Variants in TNFSF11 observed in about 807,000 individuals in gnomAD.
TNFSF11 encodes the protein tumor necrosis factor ligand superfamily member 11.
TNFSF11 carries 12 observed loss-of-function variants against 32.2 expected under a neutral mutation model. That is an observed-to-expected ratio of 0.37 (90% CI 0.24 to 0.60). TNFSF11 has a LOEUF of 0.60. Ranked by LOEUF, TNFSF11 falls within the 20% of genes least tolerant of loss-of-function variation. The probability of loss-of-function intolerance (pLI) is 0.66; values close to 1 mark genes in which losing one functional copy is unlikely to be tolerated. For missense variants in TNFSF11, 345 were observed against 398.0 expected, an observed-to-expected ratio of 0.87 and a Z score of 1.13; for synonymous variants, 172 against 152.1, an observed-to-expected ratio of 1.13 and a Z score of -0.96.
intron 2 of TNFSF11, among the ~76,000 whole-genome samples, chr13:42,591,651 A>G (rs971609535): frequency 5.9e-5 from 9 of 152,110 alleles, no homozygotes; most frequent in African/African-American, 2.2e-4. Context: ...CCAGGTGCAT[A>G]TATGTGTTCC....
chr13:42,582,682 C>T (rs1039860656), intron 2 of TNFSF11, among the ~76,000 whole-genome samples: 3 of 152,146 alleles, frequency 2.0e-5, no homozygotes, highest in Admixed American at 6.5e-5. Flanking sequence ...TTTGGCTTCA[C>T]GCAGAATAGA....
chr13:42,575,071 G>T (rs896815576), intron 1 of TNFSF11, among the ~76,000 whole-genome samples: 56 of 152,160 alleles, frequency 3.7e-4, no homozygotes, highest in African/African-American at 1.3e-3. Context: ...TGCCCAGGTC[G>T]CCCAATGGGT....
In TNFSF11 at chr13:42,607,444, A is replaced by G. The variant is rs758284755; in HGVS notation, c.*526A>G. The G allele has an allele frequency of 6.5e-6, 1 of 153,204 alleles. No homozygotes were observed. Among genetic ancestry groups the G allele is most frequent in the African/African-American group, 2.4e-5 (1 of 41,450 alleles). The allele number at this position is 153,204 out of a possible 1,614,324, so 9.5% of individuals were successfully genotyped here. ...TTCTTTGCAAAGTATTGTAAATTAT[A>G]TTTGTGCTATAGTATTTGATTCAAA... is the stretch of plus-strand genomic sequence containing the variant. On this transcript the variant is annotated 3_prime_UTR_variant, in exon 5 of 5. Transcript: ENST00000398795.
intron 4 of TNFSF11, among the ~76,000 whole-genome samples, chr13:42,603,240 G>A (rs910130271): frequency 6.6e-6 from 1 of 152,160 alleles, no homozygotes; most frequent in Non-Finnish European, 1.5e-5. Flanking sequence ...AAATGCGTTG[G>A]GAAGTATTTA....
chr13:42,607,810 TTA>T lies in TNFSF11; in HGVS notation c.*897_*898del, dbSNP rs1869548811. 1 of 152,678 alleles carries T rather than the reference TTA, an allele frequency of 6.5e-6. No homozygotes were observed. Among genetic ancestry groups the T allele is most frequent in the Non-Finnish European group, 1.5e-5 (1 of 68,012 alleles). The allele number at this position is 152,678 out of a possible 1,614,324, so 9.5% of individuals were successfully genotyped here. On this transcript the variant is annotated 3_prime_UTR_variant, in exon 5 of 5. Coordinates refer to ENST00000398795, the MANE Select transcript of TNFSF11 (RefSeq NM_003701.4). ...GGCCACTGAAATCTGTCAAGAGTAG[TTA>T]TATAATTGTTGAACAGGTGTTTTTC...
chr13:42,602,336 G>A (rs1350783261), intron 4 of TNFSF11, among the ~76,000 whole-genome samples: 1 of 152,126 alleles, frequency 6.6e-6, no homozygotes, highest in East Asian at 1.9e-4. Context: ...AGTGTGATTT[G>A]TTATTTTTGA....
chr13:42,590,264 C>A (rs565706995), intron 2 of TNFSF11, among the ~76,000 whole-genome samples: 74 of 152,232 alleles, frequency 4.9e-4, no homozygotes, highest in Non-Finnish European at 9.4e-4. Flanking sequence ...TTAATATTGC[C>A]AGAAGCTAGC....
At chr13:42,604,832 G>A (rs9533167) in intron 4 of TNFSF11, among the ~76,000 whole-genome samples, 54,288 of 152,004 alleles carry the variant, frequency 0.36, 10,633 homozygotes, top group East Asian at 0.46. Flanking sequence ...CTCCCAGGCT[G>A]GAGTGCCGTA....
In TNFSF11 at chr13:42,581,155, C is replaced by T. The variant is rs774422853; in HGVS notation, c.249C>T (p.Gly83=). ...QMDPNRISED[G]THCIYRILRL... ...ATCCTAATAGAATATCAGAAGATGG[C>T]ACTCACTGCATTTATAGAATTTTGA... Residue 83 remains glycine, a synonymous_variant, in exon 2 of 5, where the codon GGC becomes GGT. Transcript: ENST00000398795. 5 of 1,613,958 alleles carry T rather than the reference C, an allele frequency of 3.1e-6. No homozygotes were observed. Among genetic ancestry groups the T allele is most frequent in the African/African-American group, 2.7e-5 (2 of 74,894 alleles).
At chr13:42,590,331 A>G (rs1158883866) in intron 2 of TNFSF11, among the ~76,000 whole-genome samples, 1 of 152,252 alleles carries the variant, frequency 6.6e-6, no homozygotes, top group Non-Finnish European at 1.5e-5. Context: ...TCGCAAGCTC[A>G]GTGTTTTCCT....
intron 2 of TNFSF11, among the ~76,000 whole-genome samples, chr13:42,566,983 C>G (rs141067979): frequency 7.0e-6 from 1 of 142,316 alleles, no homozygotes; most frequent in Non-Finnish European, 1.5e-5. Context: ...CAGAGAAGGA[C>G]TCTGTCTCAA....
At chr13:42,585,201 C>A (rs1873827265) in intron 2 of TNFSF11, among the ~76,000 whole-genome samples, 1 of 152,200 alleles carries the variant, frequency 6.6e-6, no homozygotes, top group African/African-American at 2.4e-5. Context: ...CTTGCCAATG[C>A]TAAAAATAGG....
upstream of TNFSF11, among the ~76,000 whole-genome samples, chr13:42,572,285 T>A (rs1366007584): frequency 6.6e-6 from 1 of 152,164 alleles, no homozygotes; most frequent in East Asian, 1.9e-4. Context: ...AACCTGAGGA[T>A]CAAGATGTCA....
chr13:42,604,912 T>G (rs560511889), intron 4 of TNFSF11, among the ~76,000 whole-genome samples: 1 of 152,162 alleles, frequency 6.6e-6, no homozygotes, highest in Non-Finnish European at 1.5e-5. Flanking sequence ...GTCTCCTGAG[T>G]AGCTGGGATT....
chr13:42,576,986 G>A (rs1873350258), intron 1 of TNFSF11, among the ~76,000 whole-genome samples: 3 of 152,202 alleles, frequency 2.0e-5, no homozygotes, highest in East Asian at 1.9e-4. Flanking sequence ...TTGACTTGCC[G>A]CTGATTTAAC....
intron 4 of TNFSF11, among the ~76,000 whole-genome samples, chr13:42,603,282 G>A (rs2137909804): frequency 6.6e-6 from 1 of 152,264 alleles, no homozygotes; most frequent in Non-Finnish European, 1.5e-5. Flanking sequence ...TTCTTTAGGA[G>A]GATACTCAGG....
intron 2 of TNFSF11, among the ~76,000 whole-genome samples, chr13:42,599,337 C>CTAT (rs1869008458): frequency 1.1e-5 from 1 of 88,904 alleles, no homozygotes; most frequent in Non-Finnish European, 2.6e-5. Flanking sequence ...ATCTATCTAT[C>CTAT]TATCTATCTA....
intron 2 of TNFSF11, 67 bp downstream of exon 2, chr13:42,581,360 C>T: frequency 3.9e-6 from 6 of 1,557,976 alleles, no homozygotes; most frequent in South Asian, 1.1e-5. Flanking sequence ...AAAATTAAAA[C>T]TGGCTAAGTG....
Position 42,580,497 on chromosome 13 carries a change from G to A in TNFSF11, c.220-629G>A, listed in dbSNP as rs1873548541. 2.0e-5 allele frequency among the ~76,000 whole-genome samples: 3 copies of A among 152,014 alleles called. No homozygotes were observed. In the South Asian group the frequency reaches 6.2e-4, roughly 32 times the overall value. ...TCCATTCCCAAACACCCGCTGACAGGTATACCATTCCAGCTTGAGAAACAC... is the reference window on the plus strand; with the variant it reads ...TCCATTCCCAAACACCCGCTGACAGATATACCATTCCAGCTTGAGAAACAC... On this transcript the variant is annotated intron_variant, in intron 1 of 4. Transcript: ENST00000398795.
Sources: allele counts gnomAD v4.1 joint callset (sites outside exome capture counted in the v4.1 genomes callset), GRCh38; gene constraint gnomAD v4.1.1; transcripts MANE v1.5; gene names NCBI Gene and HGNC (gene_info 2026-07-23, HGNC 2026-07-21).